Variants in PTPRK observed in about 807,000 individuals in gnomAD.
PTPRK encodes protein tyrosine phosphatase receptor type K.
A neutral mutation model predicts 178.0 loss-of-function variants in PTPRK; 75 were observed. That is an observed-to-expected ratio of 0.42 (90% CI 0.35 to 0.51). PTPRK has a LOEUF of 0.51. PTPRK is among the 20% of genes least tolerant of loss of function. PTPRK has a pLI of 0.02. For synonymous variants in PTPRK, 637 were observed against 620.6 expected (o/e 1.03, Z -0.39); for missense variants, 1,441 against 1,797.8 (o/e 0.80, Z 3.59).
At chr6:128,455,651 C>T (rs1445651516) in intron 1 of PTPRK, among the ~76,000 whole-genome samples, 2 of 152,094 alleles carry the variant, frequency 1.3e-5, no homozygotes, top group East Asian at 1.9e-4. Context: ...CTCTCCTTCC[C>T]TCTTGTTTTA....
chr6:128,417,599 C>G (rs1002050816), intron 1 of PTPRK, among the ~76,000 whole-genome samples: 5 of 152,186 alleles, frequency 3.3e-5, no homozygotes, highest in Admixed American at 6.5e-5. Flanking sequence ...GGGTCTATCA[C>G]TATTATAAAT....
intron 7 of PTPRK, among the ~76,000 whole-genome samples, chr6:128,100,170 C>T (rs1413612381): frequency 6.6e-6 from 1 of 151,938 alleles, no homozygotes; most frequent in African/African-American, 2.4e-5. Context: ...ATAATTAATA[C>T]AGGCGACTTG....
chr6:128,467,963 T>A (rs1042677375), intron 1 of PTPRK, among the ~76,000 whole-genome samples: 4 of 152,170 alleles, frequency 2.6e-5, no homozygotes, highest in Non-Finnish European at 4.4e-5. Context: ...TTCTTAAAAT[T>A]CCATAATCTA....
chr6:128,146,647 T>C (rs1345157358), intron 7 of PTPRK, among the ~76,000 whole-genome samples: 3 of 151,956 alleles, frequency 2.0e-5, no homozygotes, highest in Non-Finnish European at 2.9e-5. Context: ...TTTCACCATG[T>C]TTGATTTCCT....
At chr6:128,063,205 C>G (rs752079157) in intron 13 of PTPRK, among the ~76,000 whole-genome samples, 1 of 152,132 alleles carries the variant, frequency 6.6e-6, no homozygotes, top group Non-Finnish European at 1.5e-5. Flanking sequence ...GATTATTAGA[C>G]AAATAATGGA....
intron 1 of PTPRK, among the ~76,000 whole-genome samples, chr6:128,454,084 G>C (rs1414163681): frequency 6.6e-6 from 1 of 152,130 alleles, no homozygotes; most frequent in African/African-American, 2.4e-5. Flanking sequence ...CTTCAGCGAA[G>C]GGCAAAACCT....
chr6:128,338,908 G>A (rs911068801), intron 2 of PTPRK, among the ~76,000 whole-genome samples: 14 of 152,104 alleles, frequency 9.2e-5, no homozygotes, highest in Non-Finnish European at 1.8e-4. Context: ...AGAAGGGGAG[G>A]CATTAATTTT....
intron 7 of PTPRK, among the ~76,000 whole-genome samples, chr6:128,099,742 G>A (rs879038323): frequency 3.9e-5 from 6 of 151,934 alleles, no homozygotes; most frequent in Admixed American, 3.9e-4. Context: ...AGGACTGCAG[G>A]GTTGATGATT....
rs1841664212 is a variant in PTPRK, at chr6:128,406,427, G to C, written c.101-8739C>G. Among the ~76,000 whole-genome samples, 4 of 152,102 alleles carry C rather than the reference G, an allele frequency of 2.6e-5. No individual in the cohort carries two copies. The South Asian group carries it at 8.3e-4, about 32-fold the overall frequency. The stretch of plus-strand genomic sequence containing the variant: ...ACAATTCTTAAGACTAAAGAATGAT[G>C]GTTTTTTTCTGTCATTTTCTTTGGT... On this transcript the variant is annotated intron_variant, in intron 1 of 29. Coordinates refer to ENST00000368226, the MANE Select transcript of PTPRK (RefSeq NM_002844.4).
intron 5 of PTPRK, among the ~76,000 whole-genome samples, chr6:128,235,118 G>A (rs753185094): frequency 1.3e-5 from 2 of 151,880 alleles, no homozygotes; most frequent in Non-Finnish European, 2.9e-5. Flanking sequence ...AATATCACAT[G>A]TACCCCATAA....
intron 1 of PTPRK, among the ~76,000 whole-genome samples, chr6:128,497,128 T>C (rs1375669831): frequency 1.3e-5 from 2 of 152,362 alleles, no homozygotes; most frequent in Admixed American, 6.5e-5. Context: ...AAGATGACTA[T>C]ATTCTATACT....
intron 15 of PTPRK, among the ~76,000 whole-genome samples, chr6:128,004,720 T>C (rs1778226662): frequency 6.6e-6 from 1 of 151,824 alleles, no homozygotes; most frequent in Non-Finnish European, 1.5e-5. Flanking sequence ...ACTTTCATCT[T>C]ACACAAAGGA....
intron 7 of PTPRK, among the ~76,000 whole-genome samples, chr6:128,123,412 T>A (rs1022659153): frequency 6.6e-6 from 1 of 152,000 alleles, no homozygotes; most frequent in Non-Finnish European, 1.5e-5. Flanking sequence ...AATTTGTACT[T>A]TTTTTTTCTT....
intron 5 of PTPRK, among the ~76,000 whole-genome samples, chr6:128,223,943 C>T (rs563194266): frequency 4.6e-5 from 7 of 152,268 alleles, no homozygotes; most frequent in African/African-American, 1.2e-4. Flanking sequence ...ATCAAGGCAT[C>T]GTTCCAATGG....
chr6:128,153,469 T>C (rs1193628239), intron 7 of PTPRK, among the ~76,000 whole-genome samples: 3 of 152,160 alleles, frequency 2.0e-5, no homozygotes, highest in East Asian at 3.9e-4. Context: ...ATTACATATA[T>C]GCTATCAAAA....
At chr6:128,431,639 T>C (rs1300822528) in intron 1 of PTPRK, among the ~76,000 whole-genome samples, 11 of 152,236 alleles carry the variant, frequency 7.2e-5, no homozygotes, top group Non-Finnish European at 1.5e-5. Flanking sequence ...TGTTAAACTA[T>C]CAAAAATCCT....
At chr6:128,482,090 GTTGT>G (rs955464921) in intron 1 of PTPRK, among the ~76,000 whole-genome samples, 7 of 152,036 alleles carry the variant, frequency 4.6e-5, no homozygotes, top group Non-Finnish European at 7.4e-5. Context: ...TTTCTTTTTG[GTTGT>G]TTGTTTTTAG....
At chr6:128,027,093 A>T (rs938692372) in intron 13 of PTPRK, among the ~76,000 whole-genome samples, 17 of 152,326 alleles carry the variant, frequency 1.1e-4, no homozygotes, top group Middle Eastern at 3.4e-3. Flanking sequence ...AGCAACAATC[A>T]CTAGTTTGGC....
chr6:128,116,558 T>C (rs949439920), intron 7 of PTPRK, among the ~76,000 whole-genome samples: 3 of 152,110 alleles, frequency 2.0e-5, no homozygotes, highest in African/African-American at 7.2e-5. Context: ...AATCCAAAGC[T>C]TGGGTAAAAA....
Sources: allele counts gnomAD v4.1 joint callset (sites outside exome capture counted in the v4.1 genomes callset), GRCh38; gene constraint gnomAD v4.1.1; transcripts MANE v1.5; gene names NCBI Gene and HGNC (gene_info 2026-07-23, HGNC 2026-07-21).